Variants in SKAP2 observed in about 807,000 individuals in gnomAD.
SKAP2 encodes src kinase associated phosphoprotein 2, also known as src kinase-associated phosphoprotein 2.
Under a neutral mutation model 54.9 loss-of-function variants are expected in SKAP2, and 28 were observed. The ratio of observed to expected loss-of-function variants is 0.51; its 90% CI spans 0.38 to 0.70. The LOEUF (loss-of-function observed/expected upper bound fraction) is 0.70. Among genes scored for constraint, SKAP2 ranks in the 30% least tolerant of loss-of-function variants. SKAP2 has a pLI of 0.00. For missense variants in SKAP2, 356 were observed against 424.1 expected (o/e 0.84, Z 1.41); for synonymous variants, 137 against 134.3 (o/e 1.02, Z -0.14).
At chr7:26,799,786 C>T (rs1413047044) in intron 4 of SKAP2, among the ~76,000 whole-genome samples, 1 of 152,124 alleles carries the variant, frequency 6.6e-6, no homozygotes, top group Non-Finnish European at 1.5e-5. Context: ...ATGGATCATT[C>T]TCAAGAATAG....
intron 11 of SKAP2, among the ~76,000 whole-genome samples, chr7:26,673,496 G>C (rs1364981305): frequency 6.6e-6 from 1 of 152,034 alleles, no homozygotes; most frequent in South Asian, 2.1e-4. Context: ...GACAATGTTA[G>C]GTAATTACTA....
At chr7:26,782,360 G>A (rs779790472) in intron 4 of SKAP2, among the ~76,000 whole-genome samples, 11 of 152,208 alleles carry the variant, frequency 7.2e-5, no homozygotes, top group Non-Finnish European at 1.2e-4. Context: ...ATTATCTTAG[G>A]CATCTTGTGA....
intron 9 of SKAP2, among the ~76,000 whole-genome samples, chr7:26,691,604 G>A (rs1786783606): frequency 6.6e-6 from 1 of 152,198 alleles, no homozygotes; most frequent in African/African-American, 2.4e-5. Context: ...GAAGCTGACA[G>A]CACAGATGGG....
intron 4 of SKAP2, among the ~76,000 whole-genome samples, chr7:26,793,495 T>C (rs1441110142): frequency 6.6e-6 from 1 of 152,200 alleles, no homozygotes; most frequent in Non-Finnish European, 1.5e-5. Flanking sequence ...AAGGTTGCCT[T>C]TTCATAAGTC....
At chr7:26,678,442 C>CTTTT (rs931425488) in intron 11 of SKAP2, among the ~76,000 whole-genome samples, 116 of 133,824 alleles carry the variant, frequency 8.7e-4, no homozygotes, top group African/African-American at 1.7e-3. Flanking sequence ...ACTGGTTGTT[C>CTTTT]TTTTTTTTTT....
intron 9 of SKAP2, among the ~76,000 whole-genome samples, chr7:26,696,444 G>C (rs1012344452): frequency 6.6e-6 from 1 of 152,186 alleles, no homozygotes; most frequent in Admixed American, 6.5e-5. Flanking sequence ...AAAGTAGGAA[G>C]AGTAAGTCTA....
intron 4 of SKAP2, among the ~76,000 whole-genome samples, chr7:26,754,794 A>G (rs1423916385): frequency 6.6e-6 from 1 of 152,206 alleles, no homozygotes; most frequent in African/African-American, 2.4e-5. Flanking sequence ...TTTGCCCTGT[A>G]AGGCACTGGA....
chr7:26,780,009 C>T (rs767389057), intron 4 of SKAP2, among the ~76,000 whole-genome samples: 5 of 152,010 alleles, frequency 3.3e-5, no homozygotes, highest in African/African-American at 7.2e-5. Context: ...TTATCTCTGA[C>T]TCAAGAAATA....
In SKAP2 at chr7:26,737,228, T is replaced by C. The variant is rs868384461; in HGVS notation, c.469+1567A>G. 2.6e-4 allele frequency among the ~76,000 whole-genome samples: 39 copies of C among 152,336 alleles called. No individual in the cohort carries two copies. In the Middle Eastern group the frequency reaches 0.017, roughly 66 times the overall value. ...AGTATCTCGATCTAAATTCACAATA[T>C]CATACAAAACTATATTTCTATGATC... On this transcript the variant is annotated intron_variant, in intron 6 of 12. Transcript: ENST00000345317.
intron 9 of SKAP2, among the ~76,000 whole-genome samples, 172 bp downstream of exon 9, chr7:26,725,254 CAG>C (rs979054408): frequency 1.1e-4 from 16 of 152,014 alleles, no homozygotes; most frequent in African/African-American, 3.9e-4. Context: ...ATATCTCAAG[CAG>C]AACCCTTTTT....
intron 4 of SKAP2, among the ~76,000 whole-genome samples, chr7:26,768,841 G>A (rs1405300829): frequency 6.6e-6 from 1 of 152,170 alleles, no homozygotes; most frequent in Non-Finnish European, 1.5e-5. Flanking sequence ...AGTCTGATGG[G>A]CTTCCCTTTG....
intron 4 of SKAP2, among the ~76,000 whole-genome samples, chr7:26,762,816 CA>C (rs1026725889): frequency 6.6e-6 from 1 of 152,146 alleles, no homozygotes; most frequent in African/African-American, 2.4e-5. Flanking sequence ...TAACCTCTTT[CA>C]AAAACCTTTC....
At chr7:26,831,924 A>G (rs772505049) in intron 4 of SKAP2, among the ~76,000 whole-genome samples, 32 of 152,128 alleles carry the variant, frequency 2.1e-4, no homozygotes, top group Non-Finnish European at 4.4e-4. Context: ...CAGTCATGTT[A>G]GTCTTTCCAC....
chr7:26,861,256 A>C (rs1447374559), intron 1 of SKAP2, among the ~76,000 whole-genome samples: 1 of 152,118 alleles, frequency 6.6e-6, no homozygotes, highest in African/African-American at 2.4e-5. Flanking sequence ...ACATAAATCA[A>C]GATTATTCTT....
intron 4 of SKAP2, among the ~76,000 whole-genome samples, chr7:26,763,151 ACTTG>A (rs1782970092): frequency 6.6e-6 from 1 of 152,192 alleles, no homozygotes; most frequent in Admixed American, 6.5e-5. Context: ...CCAAATATTT[ACTTG>A]CTTGAATATA....
chr7:26,771,104 C>T (rs746486733), intron 4 of SKAP2, among the ~76,000 whole-genome samples: 4 of 152,240 alleles, frequency 2.6e-5, no homozygotes, highest in African/African-American at 2.4e-5. Flanking sequence ...TTATATTAGA[C>T]GGTATGGTAT....
At chr7:26,687,706 C>T (rs1786678082) in intron 10 of SKAP2, among the ~76,000 whole-genome samples, 1 of 151,994 alleles carries the variant, frequency 6.6e-6, no homozygotes, top group South Asian at 2.1e-4. Context: ...TAAACATACA[C>T]AAAAAATTAA....
intron 6 of SKAP2, among the ~76,000 whole-genome samples, chr7:26,736,165 C>T (rs919478208): frequency 6.6e-6 from 1 of 152,066 alleles, no homozygotes; most frequent in Non-Finnish European, 1.5e-5. Flanking sequence ...GGGCTGCATT[C>T]CCAGGAGGTT....
intron 4 of SKAP2, among the ~76,000 whole-genome samples, chr7:26,756,742 G>C (rs1359378845): frequency 6.6e-6 from 1 of 152,112 alleles, no homozygotes; most frequent in African/African-American, 2.4e-5. Flanking sequence ...CTAGATCCTT[G>C]AGGAATCACC....
Sources: gnomAD v4.1 joint callset for allele counts (sites outside exome capture counted in the v4.1 genomes callset) on GRCh38, gnomAD v4.1.1 for gene constraint, MANE v1.5 for transcripts, NCBI Gene and HGNC (gene_info 2026-07-23, HGNC 2026-07-21) for gene names.